Variants in ITGAE observed in about 807,000 individuals in gnomAD.
The protein encoded by ITGAE is integrin subunit alpha E, also known as integrin alpha-E.
In ITGAE, 99 loss-of-function variants were observed where a neutral mutation model predicts 136.5. The ratio of observed to expected loss-of-function variants is 0.73; its 90% CI spans 0.62 to 0.86. The LOEUF is 0.86. Among genes scored for constraint, ITGAE ranks in the 40% least tolerant of loss-of-function variants. The pLI, the probability that ITGAE is intolerant of heterozygous loss-of-function variation, is 0.00. For missense variants in ITGAE, 1,447 were observed against 1,515.3 expected (o/e 0.95, Z 0.75); for synonymous variants, 613 against 591.8 (o/e 1.04, Z -0.52).
intron 29 of ITGAE, among the ~76,000 whole-genome samples, chr17:3,719,072 A>G (rs1196006992): frequency 8.4e-6 from 1 of 119,742 alleles, no homozygotes; most frequent in African/African-American, 8.7e-5. Flanking sequence ...TCTCTATTTA[A>G]AAAAAATAAA....
At chr17:3,718,758 T>C (rs2050988848) in intron 29 of ITGAE, among the ~76,000 whole-genome samples, 1 of 152,356 alleles carries the variant, frequency 6.6e-6, no homozygotes. Flanking sequence ...TCCTCCCTGC[T>C]GGGGGCATGG....
At chr17:3,784,127 G>C (rs1325654855) in intron 1 of ITGAE, among the ~76,000 whole-genome samples, 3 of 152,026 alleles carry the variant, frequency 2.0e-5, no homozygotes, top group Non-Finnish European at 4.4e-5. Context: ...GGGCGTGGTG[G>C]CGGGCGCCTG....
chr17:3,770,480 G>A (rs2052394745), intron 2 of ITGAE, among the ~76,000 whole-genome samples: 1 of 152,076 alleles, frequency 6.6e-6, no homozygotes, highest in Admixed American at 6.6e-5. Flanking sequence ...ACCTTCTGTG[G>A]CAACCAAAAC....
chr17:3,755,266 A>C lies in ITGAE; in HGVS notation c.1240-5T>G. ...GGCGCCGAGCAGCACCTGCCGCTGA[A>C]GGGGACGGGGATGGGGCCCAGATGA... On this transcript the variant is annotated splice_region_variant and splice_polypyrimidine_tract_variant and intron_variant, in intron 11 of 30. Coordinates refer to ENST00000263087, the MANE Select transcript of ITGAE (RefSeq NM_002208.5). 1 of 1,572,430 alleles carries C rather than the reference A, an allele frequency of 6.4e-7. No individual in the cohort carries two copies. Among genetic ancestry groups the C allele is most frequent in the Admixed American group, 1.8e-5 (1 of 55,116 alleles).
chr17:3,753,401 G>GCA lies in ITGAE; in HGVS notation c.1555_1556dup (p.Pro520AlafsTer48). 1 of 1,614,160 alleles carries GCA rather than the reference G, an allele frequency of 6.2e-7. No individual in the cohort carries two copies. Among genetic ancestry groups the GCA allele is most frequent in the East Asian group, 2.2e-5 (1 of 44,880 alleles). On this transcript the variant is annotated frameshift_variant, in exon 14 of 31. Coordinates refer to ENST00000263087, the MANE Select transcript of ITGAE (RefSeq NM_002208.5). LOFTEE classifies it high-confidence loss of function. The stretch of plus-strand genomic sequence containing the variant: ...TTCCATCCATGTCAATGTCCACAGG[G>GCA]CACAGCTCAGAGCCAAAATAGGACC...
Position 3,795,379 on chromosome 17 carries a change from C to A in ITGAE, c.34+5732G>T, listed in dbSNP as rs537851549. Among the ~76,000 whole-genome samples, 24 of 152,360 alleles carry A rather than the reference C, an allele frequency of 1.6e-4. 1 individual carries two copies. Among genetic ancestry groups the A allele is most frequent in the Middle Eastern group, 3.4e-3 (1 of 294 alleles). On this transcript the variant is annotated intron_variant, in intron 1 of 30. Transcript: ENST00000263087. ...GGGCCAGATATTCCCTTTCCTCACG[C>A]CACCCCACCCCTGTGTTCACTTTGT...
At position 3,785,057 on chromosome 17, in the gene ITGAE, T is replaced by C. The variant is rs906483732; in HGVS notation, c.35-7397A>G. ...GTCCCAGCTACTCAGGAGGCTGAGG[T>C]GGGAGGACTGCTTGAGCCCAGGAGG... On this transcript the variant is annotated intron_variant, in intron 1 of 30. Transcript: ENST00000263087. 4.6e-5 allele frequency among the ~76,000 whole-genome samples: 7 copies of C among 152,022 alleles called. 1 individual carries two copies. The South Asian group carries it at 1.5e-3, about 32-fold the overall frequency.
At chr17:3,786,539 G>A (rs8076206) in intron 1 of ITGAE, among the ~76,000 whole-genome samples, 2,861 of 152,148 alleles carry the variant, frequency 0.019, 90 homozygotes, top group African/African-American at 0.065. Flanking sequence ...CGTCTCTCTC[G>A]AACATAAATA....
intron 17 of ITGAE, 124 bp from the exon 18 acceptor site, chr17:3,746,051 C>T: frequency 2.4e-6 from 2 of 829,120 alleles, no homozygotes; most frequent in Non-Finnish European, 3.7e-6. Context: ...AGGTACTTCC[C>T]TGCGGCTGGA....
intron 23 of ITGAE, among the ~76,000 whole-genome samples, 190 bp downstream of exon 23, chr17:3,730,914 T>C (rs2051326580): frequency 6.6e-6 from 1 of 152,158 alleles, no homozygotes; most frequent in South Asian, 2.1e-4. Flanking sequence ...CAAAAGAACA[T>C]TTTCATTATC....
At chr17:3,766,388 G>A (rs576831044) in intron 2 of ITGAE, among the ~76,000 whole-genome samples, 2 of 152,290 alleles carry the variant, frequency 1.3e-5, no homozygotes, top group East Asian at 3.9e-4. Flanking sequence ...GTCAGCCAAG[G>A]AATGCAAGCA....
In ITGAE at chr17:3,723,809, C is replaced by G; in HGVS notation, c.3085-65G>C. The stretch of plus-strand genomic sequence containing the variant: ...AAGCCGCCAGTTTTCCGTCCCGTCC[C>G]GGCCCCGGCCCTGGCGAGGTGCGCA... On this transcript the variant is annotated intron_variant, in intron 26 of 30. Transcript: ENST00000263087. 4.4e-6 allele frequency: 7 copies of G among 1,581,594 alleles called. No individual in the cohort carries two copies. In the East Asian group the frequency reaches 1.3e-4, roughly 30 times the overall value.
chr17:3,752,227 G>A (rs1025317446), intron 14 of ITGAE, among the ~76,000 whole-genome samples: 14 of 152,330 alleles, frequency 9.2e-5, no homozygotes, highest in Admixed American at 2.0e-4. Flanking sequence ...GTCAGAGCCC[G>A]CCCCCCTCTA....
rs147787550 is a variant in ITGAE, at chr17:3,743,379, G to A, written c.2448+110C>T. 174 of 1,287,188 alleles carry A rather than the reference G, an allele frequency of 1.4e-4. 1 individual carries two copies. In the African/African-American group the frequency reaches 1.8e-3, roughly 13 times the overall value. The allele number at this position is 1,287,188 out of a possible 1,614,324, so 79.7% of individuals were successfully genotyped here. On this transcript the variant is annotated intron_variant, in intron 19 of 30. Coordinates refer to ENST00000263087, the MANE Select transcript of ITGAE (RefSeq NM_002208.5). ...GAGTACGGTGAGGGGCCCAAATGCCGTCTGAAGACATTGCCTCCCAACTCC... is the reference window on the plus strand; with the variant it reads ...GAGTACGGTGAGGGGCCCAAATGCCATCTGAAGACATTGCCTCCCAACTCC...
rs908161481 is a variant in ITGAE at position 3,729,045 on chromosome 17, A to G, written c.2912+433T>C. ...AGTGAGACTTCGTCTCAGTTTAAAA[A>G]AAAAAAAAAAAGGAATAAAAGCTGA... is the stretch of plus-strand genomic sequence containing the variant. On this transcript the variant is annotated intron_variant, in intron 24 of 30. Transcript: ENST00000263087. Among the ~76,000 whole-genome samples the G allele has an allele frequency of 1.9e-4, 29 of 150,178 alleles. 2 individuals are homozygous for G. The highest frequency in any genetic ancestry group is 1.6e-3 in the Admixed American group (24 of 15,084).
At chr17:3,748,555 C>G (rs2051779715) in intron 16 of ITGAE, among the ~76,000 whole-genome samples, 1 of 152,136 alleles carries the variant, frequency 6.6e-6, no homozygotes, top group African/African-American at 2.4e-5. Context: ...CCACGGCACT[C>G]CAGCCTGGGT....
Position 3,799,602 on chromosome 17 carries a change from GT to G in ITGAE, c.34+1508del, listed in dbSNP as rs1321809186. On this transcript the variant is annotated intron_variant, in intron 1 of 30. Coordinates refer to ENST00000263087, the MANE Select transcript of ITGAE (RefSeq NM_002208.5). This position sits in a 1 kb window ranked among gnomAD's most constrained non-coding sequence, Gnocchi z 4.1. ...AGCCTGGGTAGTCACTGCCCGCTCT[GT>G]GCCCCAGTCACCTCCTCTGTACTGG... 1.3e-5 allele frequency among the ~76,000 whole-genome samples: 2 copies of G among 152,044 alleles called. No individual in the cohort carries two copies. Among genetic ancestry groups the G allele is most frequent in the African/African-American group, 4.8e-5 (2 of 41,382 alleles).
At chr17:3,754,407 G>C (rs1441507057) in intron 12 of ITGAE, among the ~76,000 whole-genome samples, 2 of 152,176 alleles carry the variant, frequency 1.3e-5, no homozygotes, top group African/African-American at 4.8e-5. Flanking sequence ...GAGTACGTGG[G>C]ACTACAGGCA....
At chr17:3,735,359 G>T (rs1300811626) in intron 20 of ITGAE, among the ~76,000 whole-genome samples, 1 of 152,162 alleles carries the variant, frequency 6.6e-6, no homozygotes, top group African/African-American at 2.4e-5. Flanking sequence ...TAGGGACGGG[G>T]TTTCTCCACG....
Sources: allele counts gnomAD v4.1 joint callset (sites outside exome capture counted in the v4.1 genomes callset), GRCh38; gene constraint gnomAD v4.1.1; non-coding constraint Gnocchi (gnomAD v3.1); transcripts MANE v1.5; gene names NCBI Gene and HGNC (gene_info 2026-07-23, HGNC 2026-07-21).